KIAA0232: variants seen among roughly 807,000 people sequenced by gnomAD.
KIAA0232 encodes KIAA0232.
Under a neutral mutation model 122.0 loss-of-function variants are expected in KIAA0232, and 27 were observed. The observed-to-expected ratio is 0.22, with a 90% CI of 0.16 to 0.31. The LOEUF (loss-of-function observed/expected upper bound fraction) is 0.31, where lower values mean the gene tolerates loss of function less well. Ranked by LOEUF, KIAA0232 falls within the 10% of genes least tolerant of loss-of-function variation. The pLI is 1.00. For missense variants in KIAA0232, 1,551 were observed against 1,634.2 expected, an observed-to-expected ratio of 0.95 and a Z score of 0.88; for synonymous variants, 613 against 587.6, an observed-to-expected ratio of 1.04 and a Z score of -0.63.
chr4:6,783,866 G>C lies in KIAA0232; in HGVS notation c.-354+1025G>C, dbSNP rs76038146. Among the ~76,000 whole-genome samples the C allele has an allele frequency of 5.3e-3, 813 of 152,278 alleles. 2 individuals are homozygous for C. Among genetic ancestry groups the C allele is most frequent in the African/African-American group, 0.018 (764 of 41,572 alleles). On this transcript the variant is annotated intron_variant, in intron 1 of 9. Coordinates refer to ENST00000307659, the MANE Select transcript of KIAA0232 (RefSeq NM_014743.3). Reference sequence around the variant, plus strand: ...ATCCGGCTCCTTTCCAACAATACGCGTCTGCAGCCGGCATTTCTAGAGCTC... The same window carrying C: ...ATCCGGCTCCTTTCCAACAATACGCCTCTGCAGCCGGCATTTCTAGAGCTC...
rs1178499402 is a variant in KIAA0232 at position 6,862,572 on chromosome 4, G to T, written c.2190G>T (p.Gln730His). Residue 730 changes from glutamine (Q) to histidine (H), a missense_variant, in exon 7 of 10, where the codon CAG (glutamine) becomes CAT (histidine). Physicochemically the swap from Gln to His is conservative, Grantham distance 24. This residue lies in a region of KIAA0232 where 1,108 missense variants were observed against 1,154.8 expected (regional missense o/e 0.96). Coordinates refer to ENST00000307659, the MANE Select transcript of KIAA0232 (RefSeq NM_014743.3). Reference sequence around the variant, plus strand: ...CAGACAATGAAACATTAAATATTCAGTTTGAAGAATCCACACAGTTTAATG... The same window carrying T: ...CAGACAATGAAACATTAAATATTCATTTTGAAGAATCCACACAGTTTAATG... ...TRSDNETLNI[Q>H]FEESTQFNAE... The T allele has an allele frequency of 6.2e-7, 1 of 1,613,764 alleles. No homozygotes were observed. The highest frequency in any genetic ancestry group is 1.3e-5 in the African/African-American group (1 of 75,024).
intron 3 of KIAA0232, among the ~76,000 whole-genome samples, chr4:6,825,614 C>G (rs1006588264): frequency 6.6e-6 from 1 of 151,576 alleles, no homozygotes; most frequent in African/African-American, 2.4e-5. Context: ...CAAGAGAAAC[C>G]AAATACAGGT....
At chr4:6,868,253 GTCT>G (rs1179829556) in intron 7 of KIAA0232, among the ~76,000 whole-genome samples, 1 of 152,150 alleles carries the variant, frequency 6.6e-6, no homozygotes, top group African/African-American at 2.4e-5. Flanking sequence ...TTAAGTTTAT[GTCT>G]TCTTTTCACT....
intron 1 of KIAA0232, among the ~76,000 whole-genome samples, chr4:6,792,750 C>T (rs1437210239): frequency 6.9e-6 from 1 of 145,288 alleles, no homozygotes; most frequent in African/African-American, 2.6e-5. Flanking sequence ...AGTGCAATGG[C>T]ATCATCTTGG....
intron 4 of KIAA0232, 33 bp downstream of exon 4, chr4:6,842,237 G>T (rs767556958): frequency 6.4e-7 from 1 of 1,554,318 alleles, no homozygotes; most frequent in South Asian, 1.2e-5. Flanking sequence ...ACACTTAAGA[G>T]AATAAAAGAA....
intron 2 of KIAA0232, among the ~76,000 whole-genome samples, chr4:6,819,172 T>C (rs997861097): frequency 1.2e-4 from 19 of 152,160 alleles, no homozygotes; most frequent in Middle Eastern, 3.2e-3. Flanking sequence ...GGAAAGAATT[T>C]GTGACTAAGT....
At chr4:6,830,897 A>T (rs1030717457) in intron 3 of KIAA0232, among the ~76,000 whole-genome samples, 2 of 152,106 alleles carry the variant, frequency 1.3e-5, no homozygotes, top group Admixed American at 1.3e-4. Flanking sequence ...AAGCACCTGG[A>T]ACCACAAGGA....
At chr4:6,802,540 C>G (rs575369744) in intron 1 of KIAA0232, among the ~76,000 whole-genome samples, 8 of 146,978 alleles carry the variant, frequency 5.4e-5, no homozygotes, top group East Asian at 1.9e-4. Context: ...TCTTCTCAAC[C>G]CCCCCCAACC....
intron 2 of KIAA0232, among the ~76,000 whole-genome samples, chr4:6,820,850 C>T (rs1271145665): frequency 1.3e-5 from 2 of 152,162 alleles, no homozygotes; most frequent in African/African-American, 4.8e-5. Context: ...TTATTTGGCT[C>T]ACAGTTCCTG....
intron 1 of KIAA0232, among the ~76,000 whole-genome samples, chr4:6,789,655 A>T (rs1716801006): frequency 1.3e-5 from 2 of 152,212 alleles, no homozygotes; most frequent in African/African-American, 4.8e-5. Flanking sequence ...AAACAGATTC[A>T]TGATGGTGGT....
In KIAA0232 at chr4:6,862,030, G is replaced by A. The variant is rs1463904018; in HGVS notation, c.1648G>A (p.Glu550Lys). 2 of 1,614,102 alleles carry A rather than the reference G, an allele frequency of 1.2e-6. No homozygotes were observed. Among genetic ancestry groups the A allele is most frequent in the African/African-American group, 2.7e-5 (2 of 74,944 alleles). Residue 550 changes from glutamate to lysine, a missense_variant, in exon 7 of 10, where the codon GAA (glutamate) becomes AAA (lysine). Transcript: ENST00000307659. ...KSKENTDFEAECCIVLDGMEL... is the reference protein window; with the variant it reads ...KSKENTDFEAKCCIVLDGMEL... Reference sequence around the variant, plus strand: ...CAAAGAGAACACAGATTTTGAGGCAGAATGTTGCATAGTGTTAGATGGTAT... The same window carrying A: ...CAAAGAGAACACAGATTTTGAGGCAAAATGTTGCATAGTGTTAGATGGTAT...
At chr4:6,784,920 T>A (rs914932723) in intron 1 of KIAA0232, among the ~76,000 whole-genome samples, 1 of 151,920 alleles carries the variant, frequency 6.6e-6, no homozygotes, top group Admixed American at 6.6e-5. Context: ...TTGCAAACAT[T>A]TAAGAAGATC....
intron 3 of KIAA0232, among the ~76,000 whole-genome samples, chr4:6,835,218 G>A (rs1407040103): frequency 1.3e-5 from 2 of 152,130 alleles, no homozygotes; most frequent in African/African-American, 4.8e-5. Context: ...CCCTCAAAGC[G>A]AGTAGCCCAA....
intron 4 of KIAA0232, among the ~76,000 whole-genome samples, chr4:6,848,965 G>C (rs1201238876): frequency 1.3e-5 from 2 of 152,244 alleles, no homozygotes; most frequent in African/African-American, 4.8e-5. Context: ...TGGCAGTGGA[G>C]CTGGAGCATT....
intron 3 of KIAA0232, among the ~76,000 whole-genome samples, chr4:6,837,601 C>T (rs1486879435): frequency 6.6e-6 from 1 of 152,224 alleles, no homozygotes; most frequent in African/African-American, 2.4e-5. Context: ...GAGATCACGC[C>T]ACTGCATTCC....
At chr4:6,879,384 C>T (rs1721932755) in intron 9 of KIAA0232, among the ~76,000 whole-genome samples, 1 of 152,174 alleles carries the variant, frequency 6.6e-6, no homozygotes, top group African/African-American at 2.4e-5. Context: ...AGCAGTCTGC[C>T]TCTAGGACCC....
chr4:6,806,666 G>A (rs1219711795), intron 2 of KIAA0232, among the ~76,000 whole-genome samples: 1 of 148,812 alleles, frequency 6.7e-6, no homozygotes, highest in African/African-American at 2.5e-5. Flanking sequence ...CCTGGGAGGC[G>A]GAGCTTGCAG....
chr4:6,802,050 G>A (rs2108927214), intron 1 of KIAA0232, among the ~76,000 whole-genome samples: 1 of 152,156 alleles, frequency 6.6e-6, no homozygotes, highest in East Asian at 1.9e-4. Flanking sequence ...GTCACAAGTT[G>A]GGTTCTCTGG....
chr4:6,829,492 A>G (rs1247118227), intron 3 of KIAA0232, among the ~76,000 whole-genome samples: 1 of 152,234 alleles, frequency 6.6e-6, no homozygotes, highest in East Asian at 1.9e-4. Flanking sequence ...AGTGCCTTCC[A>G]TCTTTTAAAA....
Sources: allele counts gnomAD v4.1 joint callset (sites outside exome capture counted in the v4.1 genomes callset), GRCh38; gene constraint gnomAD v4.1.1; regional missense constraint gnomAD v4.1.1; transcripts MANE v1.5; gene names NCBI Gene and HGNC (gene_info 2026-07-23, HGNC 2026-07-21).